Variants in FAM241A observed in about 807,000 individuals in gnomAD.
FAM241A encodes family with sequence similarity 241 member A.
FAM241A carries 7 observed loss-of-function variants against 12.2 expected under a neutral mutation model. The ratio of observed to expected loss-of-function variants is 0.58; its 90% CI spans 0.33 to 1.08. FAM241A has a LOEUF of 1.08. FAM241A is among the 50% of genes least tolerant of loss of function. FAM241A has a pLI of 0.04. For synonymous variants in FAM241A, 74 were observed against 68.2 expected (o/e 1.08, Z -0.42); for missense variants, 161 against 169.7 (o/e 0.95, Z 0.29).
chr4:112,182,252 G>A (rs1723954873), intron 1 of FAM241A, among the ~76,000 whole-genome samples: 1 of 152,008 alleles, frequency 6.6e-6, no homozygotes, highest in Admixed American at 6.6e-5. Flanking sequence ...TCAGCCAGAT[G>A]GTTTAAATTT....
chr4:112,179,710 A>AAT (rs200567091), intron 1 of FAM241A, among the ~76,000 whole-genome samples: 4,350 of 141,880 alleles, frequency 0.031, 175 homozygotes, highest in East Asian at 0.18. Flanking sequence ...AGTATAATAA[A>AAT]ATATATATAT....
chr4:112,179,378 A>G (rs954041923), intron 1 of FAM241A, among the ~76,000 whole-genome samples: 3 of 152,218 alleles, frequency 2.0e-5, no homozygotes, highest in African/African-American at 7.2e-5. Context: ...CTATGCAGCC[A>G]TAAAAAATGA....
At position 112,191,977 on chromosome 4, in the gene FAM241A, T is replaced by C. The variant is rs1724174658; in HGVS notation, c.*5039T>C. On this transcript the variant is annotated 3_prime_UTR_variant, in exon 2 of 2. Transcript: ENST00000309733. ...ATTTATCAAGTAAACCCACTTCATCTACTCATGGTCTTCATATAGACCACT... is the reference window on the plus strand; with the variant it reads ...ATTTATCAAGTAAACCCACTTCATCCACTCATGGTCTTCATATAGACCACT... 1 of 152,170 alleles carries C rather than the reference T, an allele frequency of 6.6e-6. No homozygotes were observed. The highest frequency in any genetic ancestry group is 2.1e-4 in the South Asian group (1 of 4,826). 9.4% of individuals were successfully genotyped at this position (152,170 alleles called of 1,614,324 possible). A position where few individuals can be genotyped will look rare whatever the true frequency, so the allele number is the denominator to read the frequency against.
At position 112,188,386 on chromosome 4, in the gene FAM241A, A is replaced by G. The variant is rs1724087877; in HGVS notation, c.*1448A>G. The G allele has an allele frequency of 6.6e-6, 1 of 152,216 alleles. No individual in the cohort carries two copies. Among genetic ancestry groups the G allele is most frequent in the African/African-American group, 2.4e-5 (1 of 41,472 alleles). The allele number at this position is 152,216 out of a possible 1,614,324, so 9.4% of individuals were successfully genotyped here. ...GTCTTCTCATTCTGAAACAGAAAAT[A>G]AGGAAAAACATTTAACTTAGTTTTC... On this transcript the variant is annotated 3_prime_UTR_variant, in exon 2 of 2. Transcript: ENST00000309733.
intron 1 of FAM241A, among the ~76,000 whole-genome samples, chr4:112,172,118 T>C (rs1024415831): frequency 6.6e-6 from 1 of 152,256 alleles, no homozygotes; most frequent in East Asian, 1.9e-4. Flanking sequence ...GGATCTTGAC[T>C]AAATTACATA....
chr4:112,170,817 A>G (rs1013700834), intron 1 of FAM241A, among the ~76,000 whole-genome samples: 3 of 152,030 alleles, frequency 2.0e-5, no homozygotes, highest in Non-Finnish European at 2.9e-5. Context: ...ATTTCAGGGG[A>G]AAACAAGTGG....
At chr4:112,185,309 G>A (rs1724016274) in intron 1 of FAM241A, among the ~76,000 whole-genome samples, 1 of 152,056 alleles carries the variant, frequency 6.6e-6, no homozygotes, top group Non-Finnish European at 1.5e-5. Flanking sequence ...ATAAGTAATT[G>A]TTAACTGGGT....
intron 1 of FAM241A, among the ~76,000 whole-genome samples, chr4:112,149,291 C>A (rs182707723): frequency 1.6e-4 from 24 of 152,148 alleles, no homozygotes; most frequent in African/African-American, 4.6e-4. Flanking sequence ...CAGGTCTGAG[C>A]CTCTGTGCCC....
chr4:112,167,611 A>G (rs1333361218), intron 1 of FAM241A, among the ~76,000 whole-genome samples: 1 of 152,198 alleles, frequency 6.6e-6, no homozygotes, highest in East Asian at 1.9e-4. Flanking sequence ...GAAAGATAAG[A>G]GGAAAACCAT....
chr4:112,168,570 T>TGA (rs1202521483), intron 1 of FAM241A, among the ~76,000 whole-genome samples: 2 of 152,230 alleles, frequency 1.3e-5, no homozygotes, highest in Non-Finnish European at 2.9e-5. Flanking sequence ...AACTTTGCTA[T>TGA]GAGACAAAAT....
chr4:112,186,787 T>C lies in FAM241A; in HGVS notation c.248T>C (p.Ile83Thr), dbSNP rs1436707116. 3.1e-6 allele frequency: 5 copies of C among 1,613,546 alleles called. No individual in the cohort carries two copies. In the Admixed American group the frequency reaches 8.3e-5, roughly 27 times the overall value. The change falls in exon 2 of 2, where the codon ATC (isoleucine) becomes ACC (threonine). Residue 83 changes from isoleucine (I) to threonine (T), a missense_variant. Ile to Thr is a moderately conservative substitution (Grantham distance 89). Transcript: ENST00000309733. ...TTTGGTGAACTGAACAAAAACCTTA[T>C]CAACATGGGCTTCACAAGGATGTAT... Reference protein sequence around the residue: ...TLFGELNKNLINMGFTRMYFG... With the variant: ...TLFGELNKNLTNMGFTRMYFG...
chr4:112,167,427 C>G (rs1186622614), intron 1 of FAM241A, among the ~76,000 whole-genome samples: 1 of 152,108 alleles, frequency 6.6e-6, no homozygotes, highest in Admixed American at 6.6e-5. Flanking sequence ...TGCCATTCAT[C>G]GAGGCAGAGG....
At chr4:112,180,231 T>C (rs990567971) in intron 1 of FAM241A, among the ~76,000 whole-genome samples, 14 of 151,848 alleles carry the variant, frequency 9.2e-5, no homozygotes, top group Non-Finnish European at 1.8e-4. Flanking sequence ...GGAGTGTGGG[T>C]TGAAAAACTA....
chr4:112,169,906 C>T (rs546876247), intron 1 of FAM241A, among the ~76,000 whole-genome samples: 30 of 152,284 alleles, frequency 2.0e-4, no homozygotes, highest in Admixed American at 9.2e-4. Context: ...CTATGTCTTA[C>T]TTGTGTTTCA....
chr4:112,145,508 G>C lies in FAM241A; in HGVS notation c.-73G>C, dbSNP rs1044088528. ...CGGCGGATCCCAGGGCAGCCTTCGG[G>C]CGGCGGCGCTGCCTGGTGCGTCGCG... On this transcript the variant is annotated 5_prime_UTR_variant, in exon 1 of 2. Coordinates refer to ENST00000309733, the MANE Select transcript of FAM241A (RefSeq NM_152400.3). 64 of 1,189,496 alleles carry C rather than the reference G, an allele frequency of 5.4e-5. No individual in the cohort carries two copies. In the East Asian group the frequency reaches 1.6e-3, roughly 31 times the overall value. 73.7% of individuals were successfully genotyped at this position (1,189,496 alleles called of 1,614,324 possible). A position where few individuals can be genotyped will look rare whatever the true frequency, so the allele number is the denominator to read the frequency against.
In FAM241A at chr4:112,189,623, C is replaced by G. The variant is rs1435914340; in HGVS notation, c.*2685C>G. ...TAAAAACTCTGTATTTTGTAGAATT[C>G]TGTCCTCTCATACCTTAAGCTGTCA... is the stretch of plus-strand genomic sequence containing the variant. On this transcript the variant is annotated 3_prime_UTR_variant, in exon 2 of 2. Coordinates refer to ENST00000309733, the MANE Select transcript of FAM241A (RefSeq NM_152400.3). 6.6e-6 allele frequency: 1 copy of G among 152,088 alleles called. No individual in the cohort carries two copies. Among genetic ancestry groups the G allele is most frequent in the African/African-American group, 2.4e-5 (1 of 41,396 alleles). The allele number at this position is 152,088 out of a possible 1,614,324, so 9.4% of individuals were successfully genotyped here. A position where few individuals can be genotyped will look rare whatever the true frequency, so the allele number is the denominator to read the frequency against.
At chr4:112,158,139 G>A (rs978940064) in intron 1 of FAM241A, among the ~76,000 whole-genome samples, 6 of 151,906 alleles carry the variant, frequency 3.9e-5, no homozygotes, top group Non-Finnish European at 7.4e-5. Context: ...TTATTTAACA[G>A]TAATATACTG....
chr4:112,170,520 A>G (rs1225586248), intron 1 of FAM241A, among the ~76,000 whole-genome samples: 4 of 152,116 alleles, frequency 2.6e-5, no homozygotes, highest in African/African-American at 9.7e-5. Context: ...CCTTCTTGTG[A>G]TCTGTCGATC....
chr4:112,177,445 G>T (rs1723845092), intron 1 of FAM241A, among the ~76,000 whole-genome samples: 1 of 152,106 alleles, frequency 6.6e-6, no homozygotes, highest in Non-Finnish European at 1.5e-5. Flanking sequence ...CCTGGAGTAA[G>T]AATAACCAGG....
Sources: allele counts gnomAD v4.1 joint callset (sites outside exome capture counted in the v4.1 genomes callset), GRCh38; gene constraint gnomAD v4.1.1; transcripts MANE v1.5; gene names NCBI Gene and HGNC (gene_info 2026-07-23, HGNC 2026-07-21).